The following CCDC148 variants were observed in gnomAD, a reference collection of about 807,000 sequenced individuals.
The protein encoded by CCDC148 is coiled-coil domain-containing protein 148.
A neutral mutation model predicts 85.7 loss-of-function variants in CCDC148; 89 were observed. That is an observed-to-expected ratio of 1.04 (90% CI 0.87 to 1.24). The LOEUF (loss-of-function observed/expected upper bound fraction) is 1.24, where lower values mean the gene tolerates loss of function less well. CCDC148 is among the 50% of genes most tolerant of loss of function. CCDC148 has a pLI of 0.00. For missense variants in CCDC148, 692 were observed against 671.7 expected (o/e 1.03, Z -0.33); for synonymous variants, 230 against 213.9 (o/e 1.08, Z -0.66).
At chr2:158,325,305 A>G (rs1261528825) in intron 7 of CCDC148, among the ~76,000 whole-genome samples, 1 of 152,152 alleles carries the variant, frequency 6.6e-6, no homozygotes, top group African/African-American at 2.4e-5. Flanking sequence ...GCCAACAGTC[A>G]ATTATCAGTG....
intron 1 of CCDC148, among the ~76,000 whole-genome samples, chr2:158,401,166 A>G (rs1685764308): frequency 6.6e-6 from 1 of 152,198 alleles, no homozygotes; most frequent in African/African-American, 2.4e-5. Flanking sequence ...ATTTAGAACT[A>G]GAAATACCAT....
chr2:158,384,413 T>C (rs555539842), intron 1 of CCDC148, among the ~76,000 whole-genome samples: 2 of 152,194 alleles, frequency 1.3e-5, no homozygotes, highest in Non-Finnish European at 2.9e-5. Flanking sequence ...TGGGAGGTGA[T>C]TGAATCATCA....
chr2:158,313,608 T>C (rs1041849630), intron 8 of CCDC148, 148 bp downstream of exon 8: 3 of 909,024 alleles, frequency 3.3e-6, no homozygotes, highest in Admixed American at 3.4e-5. Context: ...GCACAGGCTT[T>C]CAAACTATTA....
intron 10 of CCDC148, among the ~76,000 whole-genome samples, chr2:158,235,282 C>T (rs984900206): frequency 4.5e-4 from 68 of 152,120 alleles, no homozygotes; most frequent in African/African-American, 1.6e-3. Context: ...CCTGAAGTTT[C>T]CAAATTCTAT....
intron 2 of CCDC148, among the ~76,000 whole-genome samples, chr2:158,352,477 C>A (rs1353934236): frequency 6.6e-6 from 1 of 151,878 alleles, no homozygotes; most frequent in Non-Finnish European, 1.5e-5. Context: ...AGGGTATCAG[C>A]AACGGAAGAT....
intron 9 of CCDC148, among the ~76,000 whole-genome samples, chr2:158,304,405 T>A (rs1691587188): frequency 6.6e-6 from 1 of 152,158 alleles, no homozygotes; most frequent in African/African-American, 2.4e-5. Flanking sequence ...ATGCTCCTGA[T>A]GTGGGTCATG....
At chr2:158,361,874 A>G (rs1450741965) in intron 1 of CCDC148, among the ~76,000 whole-genome samples, 2 of 152,164 alleles carry the variant, frequency 1.3e-5, no homozygotes, top group Non-Finnish European at 2.9e-5. Flanking sequence ...ACAGACTGAC[A>G]AATTGAATAA....
chr2:158,242,389 G>A (rs533334722), intron 10 of CCDC148, among the ~76,000 whole-genome samples: 24 of 152,230 alleles, frequency 1.6e-4, no homozygotes, highest in Admixed American at 3.3e-4. Context: ...TGCCAGCCAC[G>A]TGCAAACTGC....
intron 11 of CCDC148, among the ~76,000 whole-genome samples, chr2:158,212,204 G>A (rs1235331172): frequency 6.6e-6 from 1 of 152,154 alleles, no homozygotes; most frequent in East Asian, 1.9e-4. Flanking sequence ...ACATCCACTT[G>A]GAATGGGGAT....
At chr2:158,275,527 T>G (rs1352724972) in intron 9 of CCDC148, among the ~76,000 whole-genome samples, 1 of 152,198 alleles carries the variant, frequency 6.6e-6, no homozygotes, top group Non-Finnish European at 1.5e-5. Context: ...TCTCTATGGC[T>G]TTATACTAGG....
chr2:158,324,701 C>A (rs1692683312), intron 7 of CCDC148, among the ~76,000 whole-genome samples: 1 of 151,308 alleles, frequency 6.6e-6, no homozygotes, highest in Admixed American at 6.6e-5. Flanking sequence ...TTCTCCCATA[C>A]CATTTTAAAC....
At chr2:158,351,709 T>A (rs1382304591) in intron 2 of CCDC148, among the ~76,000 whole-genome samples, 1 of 152,104 alleles carries the variant, frequency 6.6e-6, no homozygotes, top group East Asian at 1.9e-4. Flanking sequence ...AAGCTCCAAC[T>A]GGGCGGAGCC....
At chr2:158,442,303 A>T (rs113799798) in intron 1 of CCDC148, among the ~76,000 whole-genome samples, 4,153 of 152,330 alleles carry the variant, frequency 0.027, 77 homozygotes, top group Middle Eastern at 0.1. Context: ...TTTGCTAAGA[A>T]CAGTTTTTCC....
At chr2:158,308,705 C>T (rs977056571) in intron 9 of CCDC148, among the ~76,000 whole-genome samples, 1 of 152,198 alleles carries the variant, frequency 6.6e-6, no homozygotes, top group African/African-American at 2.4e-5. Context: ...GCCAACACTC[C>T]TGGGGAGGCC....
intron 7 of CCDC148, among the ~76,000 whole-genome samples, chr2:158,334,765 C>T (rs964060279): frequency 5.9e-5 from 9 of 151,860 alleles, no homozygotes; most frequent in African/African-American, 2.2e-4. Context: ...GCTACACACT[C>T]CATAGTCACA....
At chr2:158,345,096 C>T (rs920420489) in intron 3 of CCDC148, 119 bp downstream of exon 3, 22 of 636,250 alleles carry the variant, frequency 3.5e-5, no homozygotes, top group Non-Finnish European at 4.4e-5. Context: ...ACATTCAAAT[C>T]GTAACTTTAA....
intron 2 of CCDC148, among the ~76,000 whole-genome samples, chr2:158,351,335 C>A (rs968578590): frequency 1.3e-5 from 2 of 152,222 alleles, no homozygotes; most frequent in South Asian, 4.1e-4. Context: ...GGGTTCATCT[C>A]ACTAGGGAGT....
intron 1 of CCDC148, among the ~76,000 whole-genome samples, chr2:158,365,712 G>A (rs1042934628): frequency 6.6e-6 from 1 of 152,016 alleles, no homozygotes; most frequent in African/African-American, 2.4e-5. Context: ...TGTAGATGAC[G>A]GGTTGATGGG....
intron 12 of CCDC148, chr2:158,177,950 G>T (rs1024766071): frequency 1.3e-5 from 2 of 152,118 alleles, no homozygotes; most frequent in African/African-American, 4.8e-5. Flanking sequence ...TGTAGAAATT[G>T]AAGTAATACC....
Sources: allele counts gnomAD v4.1 joint callset (sites outside exome capture counted in the v4.1 genomes callset), GRCh38; gene constraint gnomAD v4.1.1; transcripts MANE v1.5; gene names NCBI Gene and HGNC (gene_info 2026-07-23, HGNC 2026-07-21).